HHAT: variants seen among roughly 807,000 people sequenced by gnomAD.
The protein encoded by HHAT is hedgehog acyltransferase.
In HHAT, 47 loss-of-function variants were observed where a neutral mutation model predicts 70.8. That is an observed-to-expected ratio of 0.66 (90% confidence interval 0.53 to 0.85). The LOEUF (loss-of-function observed/expected upper bound fraction) is 0.85, where lower values mean the gene tolerates loss of function less well. Among genes scored for constraint, HHAT ranks in the 40% least tolerant of loss-of-function variants. The pLI is 0.00. For missense variants in HHAT, 609 were observed against 604.8 expected (o/e 1.01, Z -0.07); for synonymous variants, 228 against 247.6 (o/e 0.92, Z 0.74).
rs1681041765 is a variant in HHAT at position 210,676,245 on chromosome 1, T to C, written c.*1866T>C. 1 of 152,236 alleles carries C rather than the reference T, an allele frequency of 6.6e-6. No individual in the cohort carries two copies. The allele number at this position is 152,236 out of a possible 1,614,324, so 9.4% of individuals were successfully genotyped here. A position where few individuals can be genotyped will look rare whatever the true frequency, so the allele number is the denominator to read the frequency against. On this transcript the variant is annotated 3_prime_UTR_variant, in exon 12 of 12. Transcript: ENST00000261458. Reference sequence around the variant, plus strand: ...CCTGAATCTCTTTTAAACTATTATATGATTCATAATGGTTCTCAGGAATTA... The same window carrying C: ...CCTGAATCTCTTTTAAACTATTATACGATTCATAATGGTTCTCAGGAATTA...
At chr1:210,613,558 C>A (rs1170981438) in intron 10 of HHAT, among the ~76,000 whole-genome samples, 1 of 152,154 alleles carries the variant, frequency 6.6e-6, no homozygotes, top group Non-Finnish European at 1.5e-5. Flanking sequence ...TTGTGTCCTG[C>A]AACTTTGTTC....
chr1:210,521,455 A>G (rs2095156698), intron 9 of HHAT, among the ~76,000 whole-genome samples: 1 of 152,216 alleles, frequency 6.6e-6, no homozygotes, highest in African/African-American at 2.4e-5. Flanking sequence ...AATTAGCCCT[A>G]CAGCAGAACA....
intron 8 of HHAT, among the ~76,000 whole-genome samples, chr1:210,492,609 G>A (rs746601257): frequency 6.6e-6 from 1 of 152,164 alleles, no homozygotes; most frequent in Non-Finnish European, 1.5e-5. Flanking sequence ...GAAGTCATGG[G>A]TAGGAGAGGG....
chr1:210,572,948 A>G (rs1281484933), intron 9 of HHAT, among the ~76,000 whole-genome samples: 1 of 152,140 alleles, frequency 6.6e-6, no homozygotes. Context: ...ATTTTGGTTA[A>G]AAGACCAGAG....
At chr1:210,621,627 C>T (rs1311086835) in intron 10 of HHAT, among the ~76,000 whole-genome samples, 1 of 152,056 alleles carries the variant, frequency 6.6e-6, no homozygotes, top group Non-Finnish European at 1.5e-5. Context: ...GAATAATAAG[C>T]CTGCTCCTTC....
chr1:210,458,695 C>T (rs910642073), intron 7 of HHAT, among the ~76,000 whole-genome samples: 1 of 152,146 alleles, frequency 6.6e-6, no homozygotes, highest in Non-Finnish European at 1.5e-5. Flanking sequence ...ACAGGAATGT[C>T]AGGGCAGGAA....
chr1:210,498,883 C>T (rs2094701597), intron 8 of HHAT, among the ~76,000 whole-genome samples: 1 of 151,694 alleles, frequency 6.6e-6, no homozygotes, highest in Non-Finnish European at 1.5e-5. Context: ...GATTCTCCTG[C>T]CTCAGCCTCC....
intron 2 of HHAT, among the ~76,000 whole-genome samples, chr1:210,353,030 G>C (rs527478853): frequency 5.8e-4 from 88 of 151,904 alleles, no homozygotes; most frequent in African/African-American, 2.1e-3. Flanking sequence ...CTGCCTCCCA[G>C]GTTCAAGCAA....
intron 8 of HHAT, among the ~76,000 whole-genome samples, chr1:210,499,700 G>A (rs1351936948): frequency 1.3e-5 from 2 of 152,110 alleles, no homozygotes; most frequent in East Asian, 3.9e-4. Context: ...GATTAGCTCA[G>A]CCACTTAAGT....
intron 3 of HHAT, among the ~76,000 whole-genome samples, chr1:210,363,569 C>T (rs1464606474): frequency 6.6e-6 from 1 of 152,122 alleles, no homozygotes; most frequent in Non-Finnish European, 1.5e-5. Flanking sequence ...CCACCAGAAC[C>T]CCTGTCCCTT....
At chr1:210,402,959 A>G (rs1214347321) in intron 5 of HHAT, among the ~76,000 whole-genome samples, 1 of 152,198 alleles carries the variant, frequency 6.6e-6, no homozygotes, top group Non-Finnish European at 1.5e-5. Flanking sequence ...TGGAGCAGTC[A>G]TTTAACCTCT....
chr1:210,421,745 T>A (rs8179439), intron 7 of HHAT, among the ~76,000 whole-genome samples: 8 of 152,022 alleles, frequency 5.3e-5, no homozygotes, highest in Admixed American at 4.6e-4. Flanking sequence ...GTGCCTGGCC[T>A]GGTATATAAT....
At chr1:210,463,139 C>CT (rs11462094) in intron 7 of HHAT, 66,611 of 141,978 alleles carry the variant, frequency 0.47, 15,639 homozygotes, top group African/African-American at 0.57. Context: ...GTGAGTTTTC[C>CT]TTTTTTTTTT....
chr1:210,365,614 G>A (rs1285537867), intron 3 of HHAT, among the ~76,000 whole-genome samples: 1 of 151,056 alleles, frequency 6.6e-6, no homozygotes, highest in Non-Finnish European at 1.5e-5. Flanking sequence ...CACCATGCCT[G>A]GCTGACATTT....
intron 9 of HHAT, among the ~76,000 whole-genome samples, chr1:210,519,031 T>TC (rs1226759426): frequency 6.6e-6 from 1 of 152,228 alleles, no homozygotes; most frequent in African/African-American, 2.4e-5. Flanking sequence ...GGAGGTCATT[T>TC]CAGCAGCTAC....
At chr1:210,642,715 C>T (rs933607265) in intron 11 of HHAT, among the ~76,000 whole-genome samples, 5 of 152,024 alleles carry the variant, frequency 3.3e-5, no homozygotes, top group African/African-American at 9.7e-5. Context: ...TTTTTCTTCT[C>T]GATTTATAGG....
chr1:210,408,467 G>A (rs534301311), intron 6 of HHAT, among the ~76,000 whole-genome samples: 6 of 152,304 alleles, frequency 3.9e-5, no homozygotes, highest in Middle Eastern at 3.4e-3. Context: ...ACAGGTGTGA[G>A]CCACCATGCT....
intron 8 of HHAT, among the ~76,000 whole-genome samples, chr1:210,507,470 C>T (rs201278640): frequency 1.3e-5 from 2 of 149,104 alleles, no homozygotes; most frequent in East Asian, 4.0e-4. Context: ...AAGTGATTCT[C>T]CTGCCTCAGC....
intron 10 of HHAT, among the ~76,000 whole-genome samples, chr1:210,622,974 T>A (rs1669144006): frequency 1.3e-5 from 2 of 152,216 alleles, no homozygotes; most frequent in Non-Finnish European, 2.9e-5. Context: ...GTATTCCACA[T>A]GTCAGAGGGA....
Sources: allele counts gnomAD v4.1 joint callset (sites outside exome capture counted in the v4.1 genomes callset), GRCh38; gene constraint gnomAD v4.1.1; transcripts MANE v1.5; gene names NCBI Gene and HGNC (gene_info 2026-07-23, HGNC 2026-07-21).